NCAM2: variants seen among roughly 807,000 people sequenced by gnomAD.
NCAM2 encodes the protein N-CAM-2.
NCAM2 carries 30 observed loss-of-function variants against 98.1 expected under a neutral mutation model. That is an observed-to-expected ratio of 0.31 (90% confidence interval 0.23 to 0.41). The LOEUF is 0.41. NCAM2 is among the 10% of genes least tolerant of loss of function. The pLI is 1.00. For missense variants in NCAM2, 867 were observed against 1,005.8 expected, an observed-to-expected ratio of 0.86 and a Z score of 1.87; for synonymous variants, 368 against 342.4, an observed-to-expected ratio of 1.07 and a Z score of -0.83.
chr21:21,215,173 C>A (rs1444118384), intron 1 of NCAM2, among the ~76,000 whole-genome samples: 1 of 151,938 alleles, frequency 6.6e-6, no homozygotes, highest in Non-Finnish European at 1.5e-5. Context: ...TGCCCCATGA[C>A]TAGTGAAGTT....
At chr21:21,411,086 A>G (rs866070734) in intron 10 of NCAM2, among the ~76,000 whole-genome samples, 18 of 56,426 alleles carry the variant, frequency 3.2e-4, no homozygotes, top group Non-Finnish European at 6.3e-4. Flanking sequence ...ACATATATAT[A>G]TGTGTGTATA....
chr21:21,070,843 G>C (rs944657755), intron 1 of NCAM2, among the ~76,000 whole-genome samples: 1 of 152,136 alleles, frequency 6.6e-6, no homozygotes, highest in African/African-American at 2.4e-5. Flanking sequence ...CTAGGAATGG[G>C]CTATCCAATA....
intron 1 of NCAM2, among the ~76,000 whole-genome samples, chr21:21,266,469 A>C (rs1034879377): frequency 1.3e-5 from 2 of 152,138 alleles, no homozygotes; most frequent in Non-Finnish European, 2.9e-5. Context: ...CTTGGAACCA[A>C]CCCAAATGTC....
intron 1 of NCAM2, among the ~76,000 whole-genome samples, chr21:21,131,599 G>A (rs1484326291): frequency 6.6e-6 from 1 of 152,156 alleles, no homozygotes; most frequent in Non-Finnish European, 1.5e-5. Flanking sequence ...ATACAAATTA[G>A]CCTTCATACT....
intron 11 of NCAM2, among the ~76,000 whole-genome samples, chr21:21,425,262 T>TA (rs199682970): frequency 0.024 from 3,696 of 151,290 alleles, 63 homozygotes; most frequent in Admixed American, 0.053. Context: ...TAAAGTATAA[T>TA]AAAAAAAAGT....
chr21:21,440,976 G>T lies in NCAM2; in HGVS notation c.1654+8695G>T, dbSNP rs546804151. On this transcript the variant is annotated intron_variant, in intron 12 of 17. Coordinates refer to ENST00000400546, the MANE Select transcript of NCAM2 (RefSeq NM_004540.5). ...TTTGATTGACTCATTTAAATGACTC[G>T]AATTAGCAGGGTTTCAAATAAAAAT... Among the ~76,000 whole-genome samples, 4 of 152,218 alleles carry T rather than the reference G, an allele frequency of 2.6e-5. No individual in the cohort carries two copies. In the South Asian group the frequency reaches 8.3e-4, roughly 32 times the overall value.
At chr21:21,128,002 C>T (rs2066862616) in intron 1 of NCAM2, among the ~76,000 whole-genome samples, 1 of 152,070 alleles carries the variant, frequency 6.6e-6, no homozygotes, top group African/African-American at 2.4e-5. Context: ...ACTTGCCACC[C>T]ATTGTTACTA....
chr21:21,367,422 T>C (rs1225579458), intron 8 of NCAM2, among the ~76,000 whole-genome samples: 3 of 151,978 alleles, frequency 2.0e-5, no homozygotes, highest in African/African-American at 7.2e-5. Context: ...TTGTCCTAAT[T>C]GTATTTTGTC....
At chr21:21,020,392 T>C (rs1895284383) in intron 1 of NCAM2, among the ~76,000 whole-genome samples, 1 of 152,214 alleles carries the variant, frequency 6.6e-6, no homozygotes, top group African/African-American at 2.4e-5. Flanking sequence ...ACTTTCCCTT[T>C]CTTCCCTGAC....
chr21:21,207,925 A>G (rs1333604029), intron 1 of NCAM2, among the ~76,000 whole-genome samples: 4 of 152,192 alleles, frequency 2.6e-5, no homozygotes, highest in Non-Finnish European at 4.4e-5. Flanking sequence ...GAAGAATTAA[A>G]CAGAAGCTCT....
intron 9 of NCAM2, among the ~76,000 whole-genome samples, chr21:21,386,096 G>T (rs905980680): frequency 6.6e-6 from 1 of 151,990 alleles, no homozygotes; most frequent in Non-Finnish European, 1.5e-5. Flanking sequence ...TTATTTACAT[G>T]CTGTCCATAT....
chr21:21,315,591 C>T (rs995449952), intron 5 of NCAM2, among the ~76,000 whole-genome samples: 10 of 152,204 alleles, frequency 6.6e-5, no homozygotes, highest in African/African-American at 2.4e-4. Flanking sequence ...CAGCTTTCCT[C>T]TGTTGACATT....
chr21:21,202,224 A>G (rs1381461205), intron 1 of NCAM2, among the ~76,000 whole-genome samples: 3 of 152,090 alleles, frequency 2.0e-5, no homozygotes, highest in Non-Finnish European at 4.4e-5. Context: ...TCAGTTTACC[A>G]CCATATAAAT....
intron 1 of NCAM2, among the ~76,000 whole-genome samples, chr21:21,257,064 CA>C (rs1177433032): frequency 1.3e-5 from 2 of 152,118 alleles, no homozygotes; most frequent in Non-Finnish European, 2.9e-5. Flanking sequence ...TTAGGATGTC[CA>C]GTTCTAGGAA....
intron 9 of NCAM2, among the ~76,000 whole-genome samples, chr21:21,374,364 G>A (rs2075986394): frequency 6.6e-6 from 1 of 151,668 alleles, no homozygotes; most frequent in African/African-American, 2.4e-5. Context: ...TTATGATTAT[G>A]TCTCAAATAT....
chr21:21,443,547 A>G lies in NCAM2; in HGVS notation c.1654+11266A>G, dbSNP rs75553640. Among the ~76,000 whole-genome samples, 585 of 152,192 alleles carry G rather than the reference A, an allele frequency of 3.8e-3. 12 individuals carry two copies. In the East Asian group the frequency reaches 0.049, roughly 13 times the overall value. On this transcript the variant is annotated intron_variant, in intron 12 of 17. Coordinates refer to ENST00000400546, the MANE Select transcript of NCAM2 (RefSeq NM_004540.5). ...ATCTTTTATAAGCAATGAGTAAAGGATTCATTTGGTCCAATGACATGAATC... is the reference window on the plus strand; with the variant it reads ...ATCTTTTATAAGCAATGAGTAAAGGGTTCATTTGGTCCAATGACATGAATC...
At chr21:21,324,215 G>A (rs935362320) in intron 5 of NCAM2, among the ~76,000 whole-genome samples, 168 bp from the exon 6 acceptor site, 1 of 151,968 alleles carries the variant, frequency 6.6e-6, no homozygotes, top group Non-Finnish European at 1.5e-5. Context: ...AAAAAAGAAC[G>A]CAGATCAGTG....
At chr21:21,213,520 C>G (rs1287258480) in intron 1 of NCAM2, among the ~76,000 whole-genome samples, 1 of 152,070 alleles carries the variant, frequency 6.6e-6, no homozygotes, top group Non-Finnish European at 1.5e-5. Context: ...GAAGAATTTT[C>G]AAGATAAAGG....
At chr21:21,158,519 C>A (rs1300553123) in intron 1 of NCAM2, among the ~76,000 whole-genome samples, 1 of 151,776 alleles carries the variant, frequency 6.6e-6, no homozygotes, top group Non-Finnish European at 1.5e-5. Context: ...GCAGGAGAAT[C>A]GCTTGAACCC....
Sources: allele counts gnomAD v4.1 joint callset (sites outside exome capture counted in the v4.1 genomes callset), GRCh38; gene constraint gnomAD v4.1.1; transcripts MANE v1.5; gene names NCBI Gene and HGNC (gene_info 2026-07-23, HGNC 2026-07-21).